Variants in GLUD1 observed in about 807,000 individuals in gnomAD.
GLUD1 encodes glutamate dehydrogenase 1, mitochondrial.
Under a neutral mutation model 56.0 loss-of-function variants are expected in GLUD1, and 22 were observed. The observed-to-expected ratio is 0.39, with a 90% CI of 0.28 to 0.56. GLUD1 has a LOEUF of 0.56. GLUD1 is among the 20% of genes least tolerant of loss of function. The pLI, the probability that GLUD1 is intolerant of heterozygous loss-of-function variation, is 0.58. For missense variants in GLUD1, 451 were observed against 732.0 expected, an observed-to-expected ratio of 0.62 and a Z score of 4.43; for synonymous variants, 223 against 269.9, an observed-to-expected ratio of 0.83 and a Z score of 1.70.
At chr10:87,076,503 T>C (rs1846399789) in intron 2 of GLUD1, 73 bp downstream of exon 2, 1 of 911,118 alleles carries the variant, frequency 1.1e-6, no homozygotes, top group Non-Finnish European at 1.9e-6. Flanking sequence ...TTCTACAGCA[T>C]CTTAACAGTA....
Position 87,068,172 on chromosome 10 carries a change from G to C in GLUD1, c.647-15C>G. On this transcript the variant is annotated splice_polypyrimidine_tract_variant and intron_variant, in intron 4 of 12. Transcript: ENST00000277865. ...AATGCCAGGACCTGCGGGGGCACAG[G>C]GAAAGAGGAGTGCACCAGTTTTTAA... is the stretch of plus-strand genomic sequence containing the variant. 6.6e-7 allele frequency: 1 copy of C among 1,523,568 alleles called. No homozygotes were observed. The highest frequency in any genetic ancestry group is 9.1e-7 in the Non-Finnish European group (1 of 1,097,380). The allele number at this position is 1,523,568 out of a possible 1,614,324, so 94.4% of individuals were successfully genotyped here.
At position 87,077,852 on chromosome 10, in the gene GLUD1, CCT is replaced by C. The variant is rs1370049056; in HGVS notation, c.446-1198_446-1197del. 6.6e-5 allele frequency among the ~76,000 whole-genome samples: 10 copies of C among 151,928 alleles called. No individual in the cohort carries two copies. The East Asian group carries it at 1.4e-3, about 21-fold the overall frequency. On this transcript the variant is annotated intron_variant, in intron 1 of 12. Coordinates refer to ENST00000277865, the MANE Select transcript of GLUD1 (RefSeq NM_005271.5). ...CCTCCCACTCCCAACAGATTCAGCC[CCT>C]CTCGAGGGGCTGGGTACGATTTCCA...
In GLUD1 at chr10:87,094,794, T is replaced by C. The variant is rs767074206; in HGVS notation, c.-25A>G. On this transcript the variant is annotated 5_prime_UTR_variant, in exon 1 of 13. Transcript: ENST00000277865. This position sits in a 1 kb window ranked among gnomAD's most constrained non-coding sequence, Gnocchi z 6.6. The stretch of plus-strand genomic sequence containing the variant: ...TGGCCACAAGCGGAGGGGAGGTGCG[T>C]GATGGTCGCGAAACAGGCGCGCTTT... The C allele has an allele frequency of 4.6e-6, 7 of 1,514,808 alleles. No individual in the cohort carries two copies. The highest frequency in any genetic ancestry group is 2.9e-5 in the African/African-American group (2 of 69,434). The allele number at this position is 1,514,808 out of a possible 1,614,324, so 93.8% of individuals were successfully genotyped here. A position where few individuals can be genotyped will look rare whatever the true frequency, so the allele number is the denominator to read the frequency against.
At chr10:87,068,598 G>A (rs897946945) in intron 4 of GLUD1, among the ~76,000 whole-genome samples, 1 of 152,130 alleles carries the variant, frequency 6.6e-6, no homozygotes, top group Non-Finnish European at 1.5e-5. Flanking sequence ...CTGCTTAGTG[G>A]GGGTATAAGC....
chr10:87,072,938 G>A (rs577614186), intron 4 of GLUD1, among the ~76,000 whole-genome samples: 9 of 152,334 alleles, frequency 5.9e-5, no homozygotes, highest in Non-Finnish European at 8.8e-5. Flanking sequence ...ATTAACTTAC[G>A]TTAACAGACT....
At chr10:87,075,470 A>G (rs1846359893) in intron 3 of GLUD1, among the ~76,000 whole-genome samples, 1 of 152,266 alleles carries the variant, frequency 6.6e-6, no homozygotes, top group Non-Finnish European at 1.5e-5. Flanking sequence ...ATAGATATTA[A>G]GTAGGTGATC....
At chr10:87,084,036 G>A (rs1171256034) in intron 1 of GLUD1, among the ~76,000 whole-genome samples, 5 of 152,210 alleles carry the variant, frequency 3.3e-5, no homozygotes, top group African/African-American at 7.2e-5. Context: ...GATGCCATTA[G>A]AAACATGGCC....
intron 10 of GLUD1, among the ~76,000 whole-genome samples, chr10:87,058,005 A>T (rs1845833097): frequency 6.6e-6 from 1 of 152,030 alleles, no homozygotes; most frequent in Non-Finnish European, 1.5e-5. Context: ...AGTAGCTGGG[A>T]CTACAGGTGC....
rs913975821 is a variant in GLUD1 at position 87,051,418 on chromosome 10, G to A, written c.*333C>T. 3 of 404,158 alleles carry A rather than the reference G, an allele frequency of 7.4e-6. No homozygotes were observed. Among genetic ancestry groups the A allele is most frequent in the African/African-American group, 2.1e-5 (1 of 48,358 alleles). 25.0% of individuals were successfully genotyped at this position (404,158 alleles called of 1,614,324 possible). ...AATAAGCAAGCAACTGACTGCTCTTGACTGTTCCTCCCCAGCACTAGCACT... is the reference window on the plus strand; with the variant it reads ...AATAAGCAAGCAACTGACTGCTCTTAACTGTTCCTCCCCAGCACTAGCACT... On this transcript the variant is annotated 3_prime_UTR_variant, in exon 13 of 13. Coordinates refer to ENST00000277865, the MANE Select transcript of GLUD1 (RefSeq NM_005271.5).
chr10:87,094,666 C>A lies in GLUD1; in HGVS notation c.104G>T (p.Gly35Val), dbSNP rs552066337. 1 of 1,565,594 alleles carries A rather than the reference C, an allele frequency of 6.4e-7. No homozygotes were observed. The highest frequency in any genetic ancestry group is 8.7e-7 in the Non-Finnish European group (1 of 1,155,600). ...DSAALLGWARGQPAAAPQPGL... is the reference protein window; with the variant it reads ...DSAALLGWARVQPAAAPQPGL... ...CGGCTGCGGGGCGGCGGCGGGCTGT[C>A]CCCGGGCCCAGCCCAGCAACGCGGC... Residue 35 changes from glycine to valine, a missense_variant, in exon 1 of 13, where the codon GGA becomes GTA. By Grantham distance (109) the Gly-to-Val change is moderately radical. This residue lies in a region of GLUD1 where 158 missense variants were observed against 189.7 expected (regional missense o/e 0.83). Coordinates refer to ENST00000277865, the MANE Select transcript of GLUD1 (RefSeq NM_005271.5). This position sits in a 1 kb window ranked among gnomAD's most constrained non-coding sequence, Gnocchi z 6.6.
rs1009157309 is a variant in GLUD1 at position 87,059,065 on chromosome 10, GATCAGT to G, written c.1402+79_1402+84del. ...CTGAGACTCAATTCTTTCCCAAAGGGATCAGTTCTCTTAAGTGGACCTTTTTACAGC... is the reference window on the plus strand; with the variant it reads ...CTGAGACTCAATTCTTTCCCAAAGGGTCTCTTAAGTGGACCTTTTTACAGC... On this transcript the variant is annotated intron_variant, in intron 10 of 12. Coordinates refer to ENST00000277865, the MANE Select transcript of GLUD1 (RefSeq NM_005271.5). 3 of 1,441,930 alleles carry G rather than the reference GATCAGT, an allele frequency of 2.1e-6. No homozygotes were observed. In the African/African-American group the frequency reaches 4.2e-5, roughly 20 times the overall value. 89.3% of individuals were successfully genotyped at this position (1,441,930 alleles called of 1,614,324 possible). A position where few individuals can be genotyped will look rare whatever the true frequency, so the allele number is the denominator to read the frequency against.
chr10:87,072,325 AT>A (rs928025725), intron 4 of GLUD1, among the ~76,000 whole-genome samples: 2 of 152,210 alleles, frequency 1.3e-5, no homozygotes, highest in Admixed American at 6.5e-5. Context: ...TGAAATTCCT[AT>A]AAAAATCCCA....
intron 6 of GLUD1, among the ~76,000 whole-genome samples, chr10:87,061,815 G>A (rs1259408239): frequency 2.7e-5 from 4 of 148,340 alleles, no homozygotes; most frequent in African/African-American, 1.0e-4. Flanking sequence ...ACAGAGTCTG[G>A]CTCTGTCACC....
intron 4 of GLUD1, among the ~76,000 whole-genome samples, chr10:87,074,275 T>C (rs1476426974): frequency 1.3e-5 from 2 of 152,056 alleles, no homozygotes; most frequent in East Asian, 3.9e-4. Flanking sequence ...CCGAGATGGG[T>C]GGATCACCTG....
intron 1 of GLUD1, among the ~76,000 whole-genome samples, chr10:87,077,295 G>A (rs1338964644): frequency 6.6e-6 from 1 of 152,084 alleles, no homozygotes; most frequent in Non-Finnish European, 1.5e-5. Context: ...ACAGGCATGA[G>A]CCACTATGCC....
At chr10:87,061,692 C>G (rs1845937366) in intron 6 of GLUD1, among the ~76,000 whole-genome samples, 1 of 151,880 alleles carries the variant, frequency 6.6e-6, no homozygotes, top group Non-Finnish European at 1.5e-5. Context: ...TCTTGGCTCA[C>G]TGCAGCCTCT....
At chr10:87,053,986 T>C (rs1236694161) in intron 11 of GLUD1, among the ~76,000 whole-genome samples, 1 of 151,918 alleles carries the variant, frequency 6.6e-6, no homozygotes, top group East Asian at 1.9e-4. Context: ...GATAGCTATT[T>C]TCAGAGCTGG....
intron 4 of GLUD1, among the ~76,000 whole-genome samples, chr10:87,072,102 G>T (rs1846255318): frequency 1.3e-5 from 2 of 152,120 alleles, no homozygotes; most frequent in South Asian, 2.1e-4. Context: ...ATGAGACCGT[G>T]TCTCCACAAA....
intron 1 of GLUD1, among the ~76,000 whole-genome samples, chr10:87,085,550 T>C (rs1266017418): frequency 1.3e-5 from 2 of 152,134 alleles, no homozygotes; most frequent in Non-Finnish European, 2.9e-5. Context: ...ATATAACCTA[T>C]TGACACATCA....
Sources: allele counts gnomAD v4.1 joint callset (sites outside exome capture counted in the v4.1 genomes callset), GRCh38; gene constraint gnomAD v4.1.1; regional missense constraint gnomAD v4.1.1; non-coding constraint Gnocchi (gnomAD v3.1); transcripts MANE v1.5; gene names NCBI Gene and HGNC (gene_info 2026-07-23, HGNC 2026-07-21).